The following PTPRD variants were observed in gnomAD, a reference collection of about 807,000 sequenced individuals.
PTPRD encodes the protein protein tyrosine phosphatase receptor type D.
PTPRD carries 34 observed loss-of-function variants against 214.5 expected under a neutral mutation model. The observed-to-expected ratio is 0.16, with a 90% CI of 0.12 to 0.21. The LOEUF (loss-of-function observed/expected upper bound fraction) is 0.21, where lower values mean the gene tolerates loss of function less well. Among genes scored for constraint, PTPRD ranks in the 10% least tolerant of loss-of-function variants. The pLI, the probability that PTPRD is intolerant of heterozygous loss-of-function variation, is 1.00. For missense variants in PTPRD, 2,545 were observed against 2,398.7 expected (o/e 1.06, Z -1.27); for synonymous variants, 1,128 against 845.7 (o/e 1.33, Z -5.79).
At chr9:9,495,195 C>T (rs1589847578) in intron 8 of PTPRD, among the ~76,000 whole-genome samples, 2 of 151,672 alleles carry the variant, frequency 1.3e-5, no homozygotes, top group Admixed American at 1.3e-4. Context: ...AGACCTAAAT[C>T]TATACAACTC....
chr9:9,023,872 T>G (rs1333928785), intron 10 of PTPRD, among the ~76,000 whole-genome samples: 2 of 152,078 alleles, frequency 1.3e-5, no homozygotes, highest in African/African-American at 2.4e-5. Flanking sequence ...ACAATTTACT[T>G]TCTTTTCTTC....
At chr9:10,317,031 G>A (rs182144754) in intron 3 of PTPRD, among the ~76,000 whole-genome samples, 1 of 152,014 alleles carries the variant, frequency 6.6e-6, no homozygotes, top group East Asian at 1.9e-4. Flanking sequence ...TCTGTACAGA[G>A]ATCCCTATTA....
intron 7 of PTPRD, among the ~76,000 whole-genome samples, chr9:9,584,866 C>A (rs532348002): frequency 1.3e-5 from 2 of 152,026 alleles, no homozygotes; most frequent in Admixed American, 6.6e-5. Context: ...TTATTTTCTT[C>A]TTGTGTGGAT....
intron 33 of PTPRD, among the ~76,000 whole-genome samples, chr9:8,455,167 C>G (rs561517140): frequency 6.6e-6 from 1 of 152,308 alleles, no homozygotes; most frequent in East Asian, 1.9e-4. Context: ...TCAAACACCT[C>G]TTGCCACATC....
At chr9:8,600,117 G>A (rs1239683579) in intron 14 of PTPRD, among the ~76,000 whole-genome samples, 1 of 152,166 alleles carries the variant, frequency 6.6e-6, no homozygotes, top group Non-Finnish European at 1.5e-5. Flanking sequence ...CACAGTGAAT[G>A]GGAGGCTTTC....
At chr9:9,009,492 A>G (rs1445160742) in intron 11 of PTPRD, among the ~76,000 whole-genome samples, 2 of 152,094 alleles carry the variant, frequency 1.3e-5, no homozygotes, top group Non-Finnish European at 2.9e-5. Flanking sequence ...AATGTGTGCC[A>G]TAGGGGTTTT....
At chr9:9,444,715 T>A (rs902796693) in intron 8 of PTPRD, among the ~76,000 whole-genome samples, 1 of 152,310 alleles carries the variant, frequency 6.6e-6, no homozygotes, top group South Asian at 2.1e-4. Context: ...TTCTTCATAC[T>A]ACTCTAAGAA....
chr9:8,480,935 C>G (rs900898417), intron 30 of PTPRD, among the ~76,000 whole-genome samples: 1 of 151,916 alleles, frequency 6.6e-6, no homozygotes, highest in Non-Finnish European at 1.5e-5. Context: ...GTCAGGAGAT[C>G]GAGACCAACC....
chr9:9,640,026 A>G (rs745979171), intron 7 of PTPRD, among the ~76,000 whole-genome samples: 11 of 152,226 alleles, frequency 7.2e-5, no homozygotes, highest in Non-Finnish European at 7.3e-5. Context: ...AGATATTCCA[A>G]TAATTTGTTT....
chr9:8,712,879 T>C (rs1458056895), intron 12 of PTPRD, among the ~76,000 whole-genome samples: 3 of 152,074 alleles, frequency 2.0e-5, no homozygotes, highest in African/African-American at 7.2e-5. Context: ...CCACCACGCC[T>C]GACTAATTTT....
chr9:8,335,787 C>A (rs1202794913), intron 43 of PTPRD, among the ~76,000 whole-genome samples: 1 of 152,144 alleles, frequency 6.6e-6, no homozygotes, highest in Non-Finnish European at 1.5e-5. Flanking sequence ...GAAACTTCAG[C>A]AAAATCTCAG....
At chr9:9,683,097 T>A (rs2097105096) in intron 7 of PTPRD, among the ~76,000 whole-genome samples, 1 of 151,850 alleles carries the variant, frequency 6.6e-6, no homozygotes, top group South Asian at 2.1e-4. Flanking sequence ...GTCATTAGGC[T>A]AAGGTTCTAG....
chr9:9,212,579 A>T (rs879646373), intron 9 of PTPRD, among the ~76,000 whole-genome samples: 2 of 152,192 alleles, frequency 1.3e-5, no homozygotes, highest in Non-Finnish European at 2.9e-5. Context: ...AAAATACCCT[A>T]CACAGCCAGT....
chr9:8,361,922 C>T (rs972358089), intron 39 of PTPRD, among the ~76,000 whole-genome samples: 4 of 152,222 alleles, frequency 2.6e-5, no homozygotes, highest in Admixed American at 1.3e-4. Flanking sequence ...CACCTTCTTC[C>T]AATAGCTAGG....
intron 7 of PTPRD, among the ~76,000 whole-genome samples, chr9:9,636,687 C>T (rs139069063): frequency 6.6e-6 from 1 of 152,096 alleles, no homozygotes; most frequent in East Asian, 1.9e-4. Context: ...TTGTGGATGA[C>T]CCAACAACAA....
chr9:10,612,372 G>A (rs765735466), intron 2 of PTPRD, 26 bp downstream of exon 2: 4 of 150,974 alleles, frequency 2.6e-5, no homozygotes, highest in Non-Finnish European at 5.9e-5. Flanking sequence ...TTAGAGAAAA[G>A]AAAGACAGAA....
chr9:8,868,942 A>G (rs1331317831), intron 11 of PTPRD, among the ~76,000 whole-genome samples: 1 of 152,184 alleles, frequency 6.6e-6, no homozygotes, highest in Non-Finnish European at 1.5e-5. Context: ...TTTTTATCCA[A>G]ATACAATACA....
rs975698777 is a variant in PTPRD at position 8,733,867 on chromosome 9, G to A, written c.-24C>T. The A allele has an allele frequency of 1.4e-5, 21 of 1,549,204 alleles. No homozygotes were observed. The highest frequency in any genetic ancestry group is 1.6e-5 in the Non-Finnish European group (18 of 1,146,774). ...ATCCTGCAGCTTGGCAGCAGCGTGCGCGAGCAGCTTGGAATCACTGCCTCC... is the reference window on the plus strand; with the variant it reads ...ATCCTGCAGCTTGGCAGCAGCGTGCACGAGCAGCTTGGAATCACTGCCTCC... On this transcript the variant is annotated 5_prime_UTR_variant, in exon 12 of 46. Coordinates refer to ENST00000381196, the MANE Select transcript of PTPRD (RefSeq NM_002839.4).
chr9:10,213,093 C>G (rs911693), intron 3 of PTPRD, among the ~76,000 whole-genome samples: 131,242 of 152,140 alleles, frequency 0.86, 56,666 homozygotes, highest in Admixed American at 0.92. Context: ...TGTTGATAAA[C>G]CTTTGGCACC....
Sources: gnomAD v4.1 joint callset for allele counts (sites outside exome capture counted in the v4.1 genomes callset) on GRCh38, gnomAD v4.1.1 for gene constraint, MANE v1.5 for transcripts, NCBI Gene and HGNC (gene_info 2026-07-23, HGNC 2026-07-21) for gene names.